Variants in AATF observed in about 807,000 individuals in gnomAD.
AATF encodes the protein apoptosis antagonizing transcription factor, also known as protein AATF.
Under a neutral mutation model 63.7 loss-of-function variants are expected in AATF, and 48 were observed. The ratio of observed to expected loss-of-function variants is 0.75; its 90% CI spans 0.60 to 0.96. The LOEUF (loss-of-function observed/expected upper bound fraction) is 0.96, where lower values mean the gene tolerates loss of function less well. AATF is among the 40% of genes least tolerant of loss of function. The pLI is 0.00. For missense variants in AATF, 639 were observed against 685.7 expected, an observed-to-expected ratio of 0.93 and a Z score of 0.76; for synonymous variants, 258 against 247.7, an observed-to-expected ratio of 1.04 and a Z score of -0.39.
intron 8 of AATF, among the ~76,000 whole-genome samples, chr17:36,992,453 A>G (rs1367964723): frequency 6.6e-6 from 1 of 152,208 alleles, no homozygotes; most frequent in Non-Finnish European, 1.5e-5. Context: ...TTAATGCTGT[A>G]TAATTGTGTG....
intron 11 of AATF, chr17:37,055,695 T>C (rs189427757): frequency 6.6e-6 from 1 of 152,386 alleles, no homozygotes; most frequent in East Asian, 1.9e-4. Flanking sequence ...CTGCAGGGCG[T>C]GGACATGGAT....
chr17:36,989,496 T>C, intron 7 of AATF, 85 bp downstream of exon 7: 1 of 1,334,302 alleles, frequency 7.5e-7, no homozygotes, highest in African/African-American at 1.5e-5. Flanking sequence ...ATTACCTGTT[T>C]ATATAAGAGG....
chr17:36,967,285 T>C (rs2070998625), intron 4 of AATF, among the ~76,000 whole-genome samples: 1 of 152,246 alleles, frequency 6.6e-6, no homozygotes, highest in Non-Finnish European at 1.5e-5. Context: ...TACATTATTA[T>C]GTCTGTAAAC....
rs769637501 is a variant in AATF at position 36,986,636 on chromosome 17, A to G, written c.852A>G (p.Ala284=). 8.1e-6 allele frequency: 13 copies of G among 1,613,872 alleles called. No individual in the cohort carries two copies. The Admixed American group carries it at 1.3e-4, about 17-fold the overall frequency. ...ALKNSHKALK[A]LLRSLVGLQE... ...TCCCAGGTCACAAGGCACTTAAAGCATTGTTGAGGTCATTGGTAGGTCTTC... is the reference window on the plus strand; with the variant it reads ...TCCCAGGTCACAAGGCACTTAAAGCGTTGTTGAGGTCATTGGTAGGTCTTC... The change falls in exon 5 of 12, where the codon GCA becomes GCG. Residue 284 remains alanine (A), a synonymous_variant. Coordinates refer to ENST00000619387, the MANE Select transcript of AATF (RefSeq NM_012138.4).
chr17:37,030,689 T>C (rs2071545373), intron 10 of AATF, among the ~76,000 whole-genome samples: 1 of 152,150 alleles, frequency 6.6e-6, no homozygotes, highest in Non-Finnish European at 1.5e-5. Flanking sequence ...GTTGTGTTTC[T>C]CCATTTAAAG....
intron 4 of AATF, among the ~76,000 whole-genome samples, chr17:36,981,864 A>G (rs2071128318): frequency 1.3e-5 from 2 of 151,978 alleles, no homozygotes; most frequent in South Asian, 4.1e-4. Context: ...TACACAACAT[A>G]TAACAAAATT....
intron 11 of AATF, among the ~76,000 whole-genome samples, chr17:37,035,932 T>A (rs992959728): frequency 2.0e-5 from 3 of 152,184 alleles, no homozygotes; most frequent in Non-Finnish European, 4.4e-5. Flanking sequence ...TTTATTATTT[T>A]TTTTTTCTTG....
At chr17:36,966,630 C>CT (rs2070993574) in intron 4 of AATF, among the ~76,000 whole-genome samples, 1 of 152,020 alleles carries the variant, frequency 6.6e-6, no homozygotes, top group South Asian at 2.1e-4. Flanking sequence ...CTGAGTGTTC[C>CT]TTTTCTGTAT....
At chr17:37,028,392 C>T (rs2071526535) in intron 10 of AATF, among the ~76,000 whole-genome samples, 1 of 152,050 alleles carries the variant, frequency 6.6e-6, no homozygotes, top group Non-Finnish European at 1.5e-5. Context: ...CGTGATCGCA[C>T]ACTGCACTCC....
intron 8 of AATF, chr17:36,998,957 G>C (rs944179795): frequency 6.6e-6 from 1 of 152,180 alleles, no homozygotes; most frequent in Non-Finnish European, 1.5e-5. Context: ...TCACAAACAT[G>C]CCTCAAGCAT....
intron 4 of AATF, among the ~76,000 whole-genome samples, chr17:36,983,063 A>G (rs2071139464): frequency 6.6e-6 from 1 of 151,682 alleles, no homozygotes; most frequent in Admixed American, 6.6e-5. Context: ...ATTGTTAGAG[A>G]CAGCATGTTG....
chr17:36,968,649 T>C (rs1467122986), intron 4 of AATF, among the ~76,000 whole-genome samples: 2 of 151,840 alleles, frequency 1.3e-5, no homozygotes, highest in Non-Finnish European at 2.9e-5. Context: ...CAAGAGAAGG[T>C]CCCACTCTGT....
At chr17:37,043,441 C>G (rs1020659815) in intron 11 of AATF, among the ~76,000 whole-genome samples, 1 of 152,164 alleles carries the variant, frequency 6.6e-6, no homozygotes, top group Non-Finnish European at 1.5e-5. Context: ...TTCTCCACCC[C>G]CACTGAGCTT....
intron 11 of AATF, among the ~76,000 whole-genome samples, chr17:37,039,042 A>C (rs769278663): frequency 2.4e-4 from 36 of 152,186 alleles, no homozygotes; most frequent in Middle Eastern, 3.4e-3. Flanking sequence ...ATACTCTACC[A>C]CTCTACTGAT....
intron 8 of AATF, among the ~76,000 whole-genome samples, chr17:37,001,048 G>A (rs1160435955): frequency 6.6e-6 from 1 of 152,028 alleles, no homozygotes; most frequent in Non-Finnish European, 1.5e-5. Context: ...GCTGTGCACA[G>A]TGGCTTAGGC....
chr17:36,952,281 A>C (rs1032342589), intron 2 of AATF, among the ~76,000 whole-genome samples: 3 of 152,208 alleles, frequency 2.0e-5, no homozygotes, highest in African/African-American at 4.8e-5. Context: ...CTGTGTACTA[A>C]TGACCTTGTA....
At chr17:37,024,991 A>G in intron 10 of AATF, among the ~76,000 whole-genome samples, 1 of 152,152 alleles carries the variant, frequency 6.6e-6, no homozygotes, top group East Asian at 1.9e-4. Flanking sequence ...GAGATTTTCT[A>G]TAAAGGACTA....
At chr17:36,978,562 G>T (rs779246262) in intron 4 of AATF, among the ~76,000 whole-genome samples, 2 of 151,898 alleles carry the variant, frequency 1.3e-5, no homozygotes, top group Admixed American at 1.3e-4. Context: ...CTTTTAGTCC[G>T]CAGAGCTCAC....
intron 11 of AATF, among the ~76,000 whole-genome samples, chr17:37,047,589 ATCT>A (rs1417059352): frequency 6.6e-6 from 1 of 152,044 alleles, no homozygotes; most frequent in Non-Finnish European, 1.5e-5. Context: ...AGTCTGTCTG[ATCT>A]TTAGGGGACA....
Sources: allele counts gnomAD v4.1 joint callset (sites outside exome capture counted in the v4.1 genomes callset), GRCh38; gene constraint gnomAD v4.1.1; transcripts MANE v1.5; gene names NCBI Gene and HGNC (gene_info 2026-07-23, HGNC 2026-07-21).